Variants in DAB1 observed in about 807,000 individuals in gnomAD.
DAB1 encodes the protein disabled homolog 1.
In DAB1, 15 loss-of-function variants were observed where a neutral mutation model predicts 64.6. That is an observed-to-expected ratio of 0.23 (90% CI 0.16 to 0.36). DAB1 has a LOEUF of 0.36. DAB1 is among the 10% of genes least tolerant of loss of function. The pLI is 1.00. For missense variants in DAB1, 596 were observed against 706.7 expected (o/e 0.84, Z 1.78); for synonymous variants, 235 against 251.9 (o/e 0.93, Z 0.64).
intron 5 of DAB1, among the ~76,000 whole-genome samples, chr1:57,940,247 G>T (rs1202776): frequency 0.57 from 87,117 of 151,984 alleles, 25,406 homozygotes; most frequent in African/African-American, 0.61. Flanking sequence ...CCATGATGCC[G>T]GCTGTATATT....
chr1:57,221,045 T>C (rs372262006), intron 2 of DAB1, among the ~76,000 whole-genome samples: 1 of 152,124 alleles, frequency 6.6e-6, no homozygotes, highest in African/African-American at 2.4e-5. Flanking sequence ...GGCACATATA[T>C]ACCATGGAAT....
intron 1 of DAB1, among the ~76,000 whole-genome samples, chr1:57,881,401 C>A (rs1193892069): frequency 6.6e-6 from 1 of 152,180 alleles, no homozygotes; most frequent in Non-Finnish European, 1.5e-5. Flanking sequence ...TTCTGCTAAA[C>A]ATTTCCTAGG....
intron 2 of DAB1, among the ~76,000 whole-genome samples, chr1:57,266,830 C>T (rs777775233): frequency 8.5e-5 from 13 of 152,074 alleles, no homozygotes; most frequent in Non-Finnish European, 1.6e-4. Context: ...ACCCTGTCCC[C>T]GATGCAGGGG....
chr1:58,194,762 A>G (rs531582291), intron 4 of DAB1, among the ~76,000 whole-genome samples: 3 of 152,278 alleles, frequency 2.0e-5, no homozygotes, highest in South Asian at 2.1e-4. Flanking sequence ...TCAACGTTCC[A>G]TGGTGTCATT....
chr1:57,768,175 TAAAAAAA>T (rs11413691), intron 6 of DAB1, among the ~76,000 whole-genome samples: 1 of 96,800 alleles, frequency 1.0e-5, no homozygotes, highest in Non-Finnish European at 1.9e-5. Context: ...AGAATCTGTC[TAAAAAAA>T]AAAAAAAAAA....
At chr1:58,183,983 A>T (rs1353496915) in intron 4 of DAB1, among the ~76,000 whole-genome samples, 2 of 151,750 alleles carry the variant, frequency 1.3e-5, no homozygotes, top group Non-Finnish European at 2.9e-5. Context: ...ATTGCTTTTA[A>T]CAACGCCCCT....
chr1:57,628,879 A>G (rs1645954566), intron 7 of DAB1, among the ~76,000 whole-genome samples: 1 of 151,896 alleles, frequency 6.6e-6, no homozygotes, highest in Non-Finnish European at 1.5e-5. Flanking sequence ...GTATTTGGAG[A>G]TTTTCAGTTT....
At chr1:58,086,109 G>A (rs1650291968) in intron 5 of DAB1, among the ~76,000 whole-genome samples, 1 of 149,874 alleles carries the variant, frequency 6.7e-6, no homozygotes, top group Admixed American at 6.6e-5. Context: ...GACTACAGGC[G>A]CCCGCCACTA....
chr1:58,321,879 G>A (rs35231328), intron 4 of DAB1, among the ~76,000 whole-genome samples: 15,360 of 152,284 alleles, frequency 0.1, 1,022 homozygotes, highest in Non-Finnish European at 0.14. Flanking sequence ...AGACTTAAAC[G>A]TCCCTGTCTG....
intron 1 of DAB1, among the ~76,000 whole-genome samples, chr1:57,385,116 G>A (rs1160161194): frequency 6.6e-6 from 1 of 152,144 alleles, no homozygotes; most frequent in Non-Finnish European, 1.5e-5. Flanking sequence ...AGCAGCAGCA[G>A]GACACAGCTG....
At chr1:57,308,728 T>C (rs2100725133) in intron 1 of DAB1, among the ~76,000 whole-genome samples, 1 of 152,278 alleles carries the variant, frequency 6.6e-6, no homozygotes, top group Non-Finnish European at 1.5e-5. Context: ...TGTATCCAAA[T>C]GAAGTTCTCT....
intron 6 of DAB1, among the ~76,000 whole-genome samples, chr1:57,767,872 T>C (rs1482175308): frequency 6.6e-6 from 1 of 152,012 alleles, no homozygotes; most frequent in Middle Eastern, 3.2e-3. Context: ...ATAATAGGCA[T>C]AGTGGTTAAG....
intron 5 of DAB1, among the ~76,000 whole-genome samples, chr1:57,953,579 C>T (rs1328550309): frequency 1.3e-5 from 2 of 152,212 alleles, no homozygotes; most frequent in Admixed American, 6.5e-5. Flanking sequence ...GCAGATACAC[C>T]CTTGTGCTGG....
intron 2 of DAB1, among the ~76,000 whole-genome samples, chr1:57,237,307 A>G (rs1668165315): frequency 6.6e-6 from 1 of 152,182 alleles, no homozygotes. Flanking sequence ...TGGGGAGACA[A>G]TTCATCTTTT....
chr1:57,336,671 G>T (rs941088027), intron 1 of DAB1, among the ~76,000 whole-genome samples: 6 of 152,180 alleles, frequency 3.9e-5, no homozygotes, highest in African/African-American at 1.4e-4. Flanking sequence ...TGCAGGAGGT[G>T]TGGCTTTTGA....
intron 6 of DAB1, among the ~76,000 whole-genome samples, chr1:57,680,529 G>C (rs1045386262): frequency 6.6e-6 from 1 of 152,152 alleles, no homozygotes; most frequent in African/African-American, 2.4e-5. Context: ...TATCTTCAAA[G>C]CTAGTGATGA....
intron 7 of DAB1, among the ~76,000 whole-genome samples, chr1:57,500,389 A>G (rs951775209): frequency 6.6e-6 from 1 of 152,238 alleles, no homozygotes; most frequent in Non-Finnish European, 1.5e-5. Context: ...TCAACATATC[A>G]GAAAATAAAA....
chr1:57,407,810 T>TGTGTGTG (rs1261099519), intron 1 of DAB1, among the ~76,000 whole-genome samples: 1 of 125,458 alleles, frequency 8.0e-6, no homozygotes, highest in Non-Finnish European at 1.7e-5. Context: ...GTGTGTGTGT[T>TGTGTGTG]TGTACATATA....
chr1:57,715,112 AG>A (rs1213851022), intron 6 of DAB1, among the ~76,000 whole-genome samples: 1 of 152,224 alleles, frequency 6.6e-6, no homozygotes, highest in Non-Finnish European at 1.5e-5. Context: ...AGGGATGCAA[AG>A]ATGGTTCAAC....
Sources: allele counts gnomAD v4.1 joint callset (sites outside exome capture counted in the v4.1 genomes callset), GRCh38; gene constraint gnomAD v4.1.1; transcripts MANE v1.5; gene names NCBI Gene and HGNC (gene_info 2026-07-23, HGNC 2026-07-21).